The following GAS2 variants were observed in gnomAD, a reference collection of about 807,000 sequenced individuals.
GAS2 encodes growth arrest-specific protein 2.
A neutral mutation model predicts 37.5 loss-of-function variants in GAS2; 20 were observed. That is an observed-to-expected ratio of 0.53 (90% CI 0.37 to 0.77). The LOEUF (loss-of-function observed/expected upper bound fraction) is 0.77. Ranked by LOEUF, GAS2 falls within the 30% of genes least tolerant of loss-of-function variation. The pLI is 0.00. For missense variants in GAS2, 336 were observed against 373.4 expected (o/e 0.90, Z 0.82); for synonymous variants, 144 against 132.2 (o/e 1.09, Z -0.61).
chr11:22,695,858 G>C (rs537121883), intron 3 of GAS2, among the ~76,000 whole-genome samples: 1 of 152,114 alleles, frequency 6.6e-6, no homozygotes, highest in South Asian at 2.1e-4. Flanking sequence ...ATTAGAAATT[G>C]TGTCCTGATT....
intron 3 of GAS2, among the ~76,000 whole-genome samples, chr11:22,711,594 G>A (rs565842780): frequency 5.3e-5 from 8 of 152,338 alleles, no homozygotes; most frequent in African/African-American, 1.4e-4. Flanking sequence ...CAATTGGGAC[G>A]CTTATAGCCT....
chr11:22,755,744 T>C, intron 6 of GAS2, 102 bp from the exon 7 acceptor site: 1 of 706,766 alleles, frequency 1.4e-6, no homozygotes, highest in Non-Finnish European at 2.4e-6. Flanking sequence ...AAATAACAAG[T>C]TTAAAGTCAT....
intron 1 of GAS2, among the ~76,000 whole-genome samples, chr11:22,670,171 C>T (rs542081389): frequency 5.3e-5 from 8 of 152,210 alleles, no homozygotes; most frequent in African/African-American, 1.7e-4. Flanking sequence ...GTGTTTGACA[C>T]CTGTAACACA....
At chr11:22,697,232 T>G (rs539974087) in intron 3 of GAS2, among the ~76,000 whole-genome samples, 1 of 152,074 alleles carries the variant, frequency 6.6e-6, no homozygotes, top group Admixed American at 6.5e-5. Context: ...TTTCTCAGGT[T>G]TGTCAAAGAT....
At chr11:22,686,219 A>G (rs916822803) in intron 3 of GAS2, among the ~76,000 whole-genome samples, 3 of 152,188 alleles carry the variant, frequency 2.0e-5, no homozygotes, top group African/African-American at 7.2e-5. Context: ...TATTCTAAAT[A>G]AGTAGTACCA....
At chr11:22,683,163 T>TG (rs1045186260) in intron 2 of GAS2, among the ~76,000 whole-genome samples, 7 of 131,014 alleles carry the variant, frequency 5.3e-5, no homozygotes, top group African/African-American at 2.4e-4. Context: ...CTCCCAAAAA[T>TG]GGAAAAAAAA....
chr11:22,811,424 T>TG (rs1167569089), intron 7 of GAS2, among the ~76,000 whole-genome samples: 1 of 152,072 alleles, frequency 6.6e-6, no homozygotes, highest in Non-Finnish European at 1.5e-5. Context: ...CAGAGGGGAA[T>TG]AACCCACTGG....
intron 4 of GAS2, among the ~76,000 whole-genome samples, chr11:22,735,289 A>G (rs993276122): frequency 5.8e-5 from 8 of 137,256 alleles, no homozygotes; most frequent in African/African-American, 2.2e-4. Context: ...TTGAAAAACT[A>G]TTAACATATG....
In GAS2 at chr11:22,637,080, A is replaced by G. The variant is rs1009530769; in HGVS notation, c.-21+11267A>G. Among the ~76,000 whole-genome samples, 526 of 132,054 alleles carry G rather than the reference A, an allele frequency of 4.0e-3. 3 individuals are homozygous for G. The highest frequency in any genetic ancestry group is 0.014 in the African/African-American group (497 of 34,860). The allele number at this position is 132,054 out of a possible 152,430, so 86.6% of individuals were successfully genotyped here. On this transcript the variant is annotated intron_variant, in intron 1 of 5. Transcript: ENST00000528582. ...ATATTATTATATTAATATTATATTA[A>G]TATAATAAGTAATATTGTATTACAT... is the stretch of plus-strand genomic sequence containing the variant.
rs541583306 is a variant in GAS2 at position 22,735,865 on chromosome 11, T to G, written c.410-1840T>G. Among the ~76,000 whole-genome samples, 8 of 152,014 alleles carry G rather than the reference T, an allele frequency of 5.3e-5. 1 individual carries two copies. The highest frequency in any genetic ancestry group is 1.7e-4 in the African/African-American group (7 of 41,542). Reference sequence around the variant, plus strand: ...ATGCATGACATTGTATCAAAAGCTCTTGATGCTATAGCCACTGCTTCACAC... The same window carrying G: ...ATGCATGACATTGTATCAAAAGCTCGTGATGCTATAGCCACTGCTTCACAC... On this transcript the variant is annotated intron_variant, in intron 4 of 7. Transcript: ENST00000454584.
chr11:22,691,811 A>G (rs974506609), intron 3 of GAS2, among the ~76,000 whole-genome samples: 5 of 152,166 alleles, frequency 3.3e-5, no homozygotes, highest in Admixed American at 3.3e-4. Context: ...TAAATACACT[A>G]ATTTTTTTAT....
At chr11:22,665,262 C>T (rs1848965324), upstream of GAS2, among the ~76,000 whole-genome samples, 1 of 152,112 alleles carries the variant, frequency 6.6e-6, no homozygotes, top group Non-Finnish European at 1.5e-5. Context: ...GAACTCATTA[C>T]ATATTTGGAT....
intron 2 of GAS2, among the ~76,000 whole-genome samples, chr11:22,676,712 G>A (rs1590612994): frequency 6.6e-6 from 1 of 151,978 alleles, no homozygotes; most frequent in African/African-American, 2.4e-5. Flanking sequence ...ATTTGATTTT[G>A]TGCATAAATT....
intron 7 of GAS2, among the ~76,000 whole-genome samples, chr11:22,794,631 G>A (rs1375627156): frequency 2.6e-5 from 4 of 152,022 alleles, no homozygotes; most frequent in Admixed American, 6.6e-5. Flanking sequence ...TAATGATCAT[G>A]TAAATATTAT....
rs1351844851 is a variant in GAS2, at chr11:22,749,240, A to C, written c.594A>C (p.Thr198=). 1.2e-6 allele frequency: 2 copies of C among 1,612,282 alleles called. No individual in the cohort carries two copies. The highest frequency in any genetic ancestry group is 1.7e-6 in the Non-Finnish European group (2 of 1,179,032). Residue 198 remains threonine, a synonymous_variant, in exon 6 of 8, where the codon ACA becomes ACC. Coordinates refer to ENST00000454584, the MANE Select transcript of GAS2 (RefSeq NM_001143830.3). ...PSSKSSGKKS[T]GNLLDDAVKR... ...CAAAGTCTTCTGGAAAAAAGAGTAC[A>C]GGAAACTTACTGGATGATGCAGTAA... is the stretch of plus-strand genomic sequence containing the variant.
chr11:22,690,590 G>A (rs979106862), intron 3 of GAS2, among the ~76,000 whole-genome samples: 1 of 152,084 alleles, frequency 6.6e-6, no homozygotes, highest in Non-Finnish European at 1.5e-5. Flanking sequence ...ATAATATTAT[G>A]AATTCACTGT....
At chr11:22,654,061 C>G (rs1292180653) in intron 1 of GAS2, among the ~76,000 whole-genome samples, 1 of 152,214 alleles carries the variant, frequency 6.6e-6, no homozygotes, top group East Asian at 1.9e-4. Flanking sequence ...GGTTTTCCCA[C>G]CTGATGCCCC....
intron 7 of GAS2, among the ~76,000 whole-genome samples, chr11:22,758,712 G>C (rs1030307135): frequency 6.6e-6 from 1 of 151,982 alleles, no homozygotes; most frequent in African/African-American, 2.4e-5. Flanking sequence ...TTGGGAGTTC[G>C]AGACCAGCCT....
chr11:22,689,461 G>A (rs1224093785), intron 3 of GAS2, among the ~76,000 whole-genome samples: 1 of 152,018 alleles, frequency 6.6e-6, no homozygotes, highest in Non-Finnish European at 1.5e-5. Flanking sequence ...AATAACTTGT[G>A]CCTTACTGTA....
Sources: allele counts gnomAD v4.1 joint callset (sites outside exome capture counted in the v4.1 genomes callset), GRCh38; gene constraint gnomAD v4.1.1; transcripts MANE v1.5; gene names NCBI Gene and HGNC (gene_info 2026-07-23, HGNC 2026-07-21).